CACNB2: variants seen among roughly 807,000 people sequenced by gnomAD.
The protein encoded by CACNB2 is calcium voltage-gated channel auxiliary subunit beta 2, also known as voltage-dependent L-type calcium channel subunit beta-2.
In CACNB2, 42 loss-of-function variants were observed where a neutral mutation model predicts 73.3. That is an observed-to-expected ratio of 0.57 (90% CI 0.45 to 0.74). The LOEUF is 0.74. CACNB2 is among the 30% of genes least tolerant of loss of function. The pLI, the probability that CACNB2 is intolerant of heterozygous loss-of-function variation, is 0.00. For missense variants in CACNB2, 940 were observed against 853.0 expected (o/e 1.10, Z -1.27); for synonymous variants, 348 against 310.3 (o/e 1.12, Z -1.28).
At chr10:18,413,210 G>C (rs1227929502) in intron 3 of CACNB2, among the ~76,000 whole-genome samples, 1 of 152,178 alleles carries the variant, frequency 6.6e-6, no homozygotes, top group Non-Finnish European at 1.5e-5. Context: ...GACCTCAGGT[G>C]ATCCACCCAC....
intron 2 of CACNB2, chr10:18,261,259 GC>G (rs1251687920): frequency 1.2e-5 from 19 of 1,551,020 alleles, no homozygotes; most frequent in Non-Finnish European, 1.4e-5. Context: ...ACTGCGTTCT[GC>G]CCCCTCTTCA....
chr10:18,444,123 A>G (rs1220883926), intron 3 of CACNB2, among the ~76,000 whole-genome samples: 1 of 152,072 alleles, frequency 6.6e-6, no homozygotes, highest in Non-Finnish European at 1.5e-5. Flanking sequence ...CAGAATTCAA[A>G]TGTTGAAATC....
At chr10:18,518,240 C>A in intron 7 of CACNB2, 96 bp from the exon 8 acceptor site, 1 of 838,648 alleles carries the variant, frequency 1.2e-6, no homozygotes, top group Non-Finnish European at 2.1e-6. Flanking sequence ...AAAGCCAGTG[C>A]CTCATATTAT....
At chr10:18,343,100 G>A (rs190494174) in intron 2 of CACNB2, among the ~76,000 whole-genome samples, 98 of 152,158 alleles carry the variant, frequency 6.4e-4, no homozygotes, top group Middle Eastern at 3.4e-3. Context: ...ACTTTCTACC[G>A]CCAAAGGCAA....
At chr10:18,523,513 T>C (rs1206619217) in intron 9 of CACNB2, among the ~76,000 whole-genome samples, 1 of 152,222 alleles carries the variant, frequency 6.6e-6, no homozygotes, top group Non-Finnish European at 1.5e-5. Flanking sequence ...TTTCATATGG[T>C]TTAATTAATA....
chr10:18,210,709 T>C (rs1248083650), intron 2 of CACNB2, among the ~76,000 whole-genome samples: 1 of 152,234 alleles, frequency 6.6e-6, no homozygotes, highest in African/African-American at 2.4e-5. Flanking sequence ...GTGTCTTTAA[T>C]TATTACAGAC....
intron 2 of CACNB2, among the ~76,000 whole-genome samples, chr10:18,184,711 G>A (rs1049833040): frequency 9.4e-5 from 11 of 116,468 alleles, no homozygotes; most frequent in Admixed American, 2.1e-4. Context: ...AATTTCATTC[G>A]ATTCAATTCA....
intron 1 of CACNB2, chr10:18,141,348 G>T: frequency 1.2e-6 from 1 of 815,288 alleles, no homozygotes; most frequent in South Asian, 1.5e-5. Flanking sequence ...GGAGGGGAGC[G>T]AATATGGGGG....
At chr10:18,412,126 G>T (rs762843641) in intron 3 of CACNB2, among the ~76,000 whole-genome samples, 1 of 152,088 alleles carries the variant, frequency 6.6e-6, no homozygotes, top group Admixed American at 6.5e-5. Flanking sequence ...GCTAGGGTTC[G>T]CATGCTGGTC....
At chr10:18,241,285 A>T (rs1011917893) in intron 2 of CACNB2, among the ~76,000 whole-genome samples, 1 of 152,134 alleles carries the variant, frequency 6.6e-6, no homozygotes, top group African/African-American at 2.4e-5. Flanking sequence ...AAACTTCTTA[A>T]ATTGACTGAA....
At position 18,460,908 on chromosome 10, in the gene CACNB2, A is replaced by G. The variant is rs1187510277; in HGVS notation, c.334-37447A>G. Among the ~76,000 whole-genome samples, 7 of 147,094 alleles carry G rather than the reference A, an allele frequency of 4.8e-5. No homozygotes were observed. The East Asian group carries it at 1.2e-3, about 25-fold the overall frequency. ...TTTCCAAAAAAAAAAAAAAAAATCC[A>G]CTTTTTGCTCTATTTCTTTTCTTTC... On this transcript the variant is annotated intron_variant, in intron 3 of 13. Transcript: ENST00000324631.
In CACNB2 at chr10:18,280,231, T is replaced by TA. The variant is rs2038482961; in HGVS notation, c.214-121688dup. ...GGATTATAAATTACATTTACAAGAA[T>TA]AAAAACTAGAAAAATTAACCATGAG... On this transcript the variant is annotated intron_variant, in intron 2 of 13. Coordinates refer to ENST00000324631, the MANE Select transcript of CACNB2 (RefSeq NM_201596.3). Among the ~76,000 whole-genome samples the TA allele has an allele frequency of 2.0e-5, 3 of 152,082 alleles. No homozygotes were observed. The South Asian group carries it at 6.2e-4, about 32-fold the overall frequency.
chr10:18,225,592 C>CCTTCCTTTCTTCCGTCGTTT (rs2035960314), intron 2 of CACNB2, among the ~76,000 whole-genome samples: 1 of 126,452 alleles, frequency 7.9e-6, no homozygotes, highest in East Asian at 2.8e-4. Context: ...TTCCTTCCTT[C>CCTTCCTTTCTTCCGTCGTTT]CTTCCTTCCT....
chr10:18,420,667 T>C lies in CACNB2; in HGVS notation c.333+18624T>C, dbSNP rs141725549. On this transcript the variant is annotated intron_variant, in intron 3 of 13. Coordinates refer to ENST00000324631, the MANE Select transcript of CACNB2 (RefSeq NM_201596.3). Reference sequence around the variant, plus strand: ...AATGCTAATTTCACCCCAAACACCCTCACAGACATACCCAGAAATATTGTT... The same window carrying C: ...AATGCTAATTTCACCCCAAACACCCCCACAGACATACCCAGAAATATTGTT... Among the ~76,000 whole-genome samples the C allele has an allele frequency of 4.1e-4, 63 of 152,276 alleles. No homozygotes were observed. In the East Asian group the frequency reaches 0.011, roughly 27 times the overall value.
At position 18,266,100 on chromosome 10, in the gene CACNB2, G is replaced by C. The variant is rs577952038; in HGVS notation, c.213+115125G>C. 8.9e-4 allele frequency among the ~76,000 whole-genome samples: 136 copies of C among 152,332 alleles called. 2 individuals carry two copies. The highest frequency in any genetic ancestry group is 1.4e-3 in the Non-Finnish European group (95 of 68,036). ...CAATTCGGTACTCTAGTTAAATTCT[G>C]ATTGTTCCAACGCACATTTACATAG... On this transcript the variant is annotated intron_variant, in intron 2 of 13. Coordinates refer to ENST00000324631, the MANE Select transcript of CACNB2 (RefSeq NM_201596.3).
Position 18,400,709 on chromosome 10 carries a change from G to T in CACNB2, c.214-1215G>T, listed in dbSNP as rs61839258. ...TTTAACAATTTGAGCGCAGGGAAGAGAATGTTTAGGGTTATGAGATGCATT... is the reference window on the plus strand; with the variant it reads ...TTTAACAATTTGAGCGCAGGGAAGATAATGTTTAGGGTTATGAGATGCATT... On this transcript the variant is annotated intron_variant, in intron 2 of 13. Coordinates refer to ENST00000324631, the MANE Select transcript of CACNB2 (RefSeq NM_201596.3). 172,104 of 1,092,234 alleles carry T rather than the reference G, an allele frequency of 0.16. 14,681 individuals carry two copies. Among genetic ancestry groups the T allele is most frequent in the East Asian group, 0.19 (3,250 of 16,678 alleles). The allele number at this position is 1,092,234 out of a possible 1,614,324, so 67.7% of individuals were successfully genotyped here.
intron 2 of CACNB2, among the ~76,000 whole-genome samples, chr10:18,271,526 T>C (rs1356583984): frequency 2.0e-5 from 3 of 152,112 alleles, no homozygotes; most frequent in African/African-American, 7.2e-5. Context: ...AAGCCTTGAG[T>C]TAAGGGCTTT....
intron 2 of CACNB2, among the ~76,000 whole-genome samples, chr10:18,372,867 G>GT (rs2132304879): frequency 6.6e-6 from 1 of 152,326 alleles, no homozygotes; most frequent in South Asian, 2.1e-4. Context: ...GGAACAGCAG[G>GT]TGCTGAATAA....
intron 2 of CACNB2, among the ~76,000 whole-genome samples, chr10:18,170,912 TA>T (rs1452634054): frequency 6.6e-6 from 1 of 152,220 alleles, no homozygotes; most frequent in Non-Finnish European, 1.5e-5. Context: ...ATTTTCCATA[TA>T]TTTTTTAAAG....
Sources: allele counts gnomAD v4.1 joint callset (sites outside exome capture counted in the v4.1 genomes callset), GRCh38; gene constraint gnomAD v4.1.1; transcripts MANE v1.5; gene names NCBI Gene and HGNC (gene_info 2026-07-23, HGNC 2026-07-21).